Variants in CNTLN observed in about 807,000 individuals in gnomAD.
The protein encoded by CNTLN is centlein.
In CNTLN, 212 loss-of-function variants were observed where a neutral mutation model predicts 180.0. That is an observed-to-expected ratio of 1.18 (90% CI 1.05 to 1.32). CNTLN has a LOEUF of 1.32. CNTLN is among the 40% of genes most tolerant of loss of function. The probability of loss-of-function intolerance (pLI) is 0.00; values close to 1 mark genes in which losing one functional copy is unlikely to be tolerated. For missense variants in CNTLN, 2,095 were observed against 1,610.9 expected (o/e 1.30, Z -5.14); for synonymous variants, 722 against 563.1 (o/e 1.28, Z -3.99).
intron 2 of CNTLN, among the ~76,000 whole-genome samples, chr9:17,179,868 C>G (rs138229780): frequency 0.011 from 1,671 of 152,082 alleles, 34 homozygotes; most frequent in African/African-American, 0.038. Flanking sequence ...TTGGTACGTA[C>G]ACATTTAGGA....
chr9:17,452,976 A>T (rs978252899), intron 18 of CNTLN, among the ~76,000 whole-genome samples: 3 of 152,188 alleles, frequency 2.0e-5, no homozygotes, highest in African/African-American at 7.2e-5. Context: ...AGCATAGAAA[A>T]TGGAACATAC....
chr9:17,473,069 A>G (rs1019952299), intron 23 of CNTLN, among the ~76,000 whole-genome samples: 1 of 152,170 alleles, frequency 6.6e-6, no homozygotes, highest in Non-Finnish European at 1.5e-5. Flanking sequence ...CTTTATTTTG[A>G]ATCTCTGCCT....
At chr9:17,295,458 C>T (rs1429222498) in intron 6 of CNTLN, among the ~76,000 whole-genome samples, 1 of 151,976 alleles carries the variant, frequency 6.6e-6, no homozygotes, top group Admixed American at 6.5e-5. Flanking sequence ...TGTGTGGCTC[C>T]CAGGTGGGCC....
intron 2 of CNTLN, among the ~76,000 whole-genome samples, chr9:17,215,596 T>C (rs912671122): frequency 5.3e-5 from 8 of 152,206 alleles, no homozygotes; most frequent in Non-Finnish European, 1.2e-4. Flanking sequence ...CAGGGACATT[T>C]AAGTCTGCAG....
At chr9:17,157,401 G>C (rs1563832100) in intron 2 of CNTLN, among the ~76,000 whole-genome samples, 1 of 152,208 alleles carries the variant, frequency 6.6e-6, no homozygotes, top group East Asian at 1.9e-4. Context: ...TCTGAAGAAT[G>C]AGAAGGTTGA....
intron 5 of CNTLN, among the ~76,000 whole-genome samples, chr9:17,257,464 T>A (rs1266416195): frequency 6.6e-6 from 1 of 152,030 alleles, no homozygotes; most frequent in Admixed American, 6.6e-5. Context: ...TATAGCAGCA[T>A]GATTTATAGT....
chr9:17,388,327 C>T (rs367762869), intron 14 of CNTLN, 74 bp downstream of exon 14: 16 of 982,520 alleles, frequency 1.6e-5, no homozygotes, highest in Admixed American at 4.1e-5. Context: ...TATTTTAAAA[C>T]GAGGGCTTGT....
chr9:17,301,202 T>C, intron 7 of CNTLN: 1 of 985,434 alleles, frequency 1.0e-6, no homozygotes, highest in Non-Finnish European at 1.2e-6. Context: ...CCCTAGTGTA[T>C]GTCTTTACTA....
At chr9:17,343,188 C>G (rs1410276085) in intron 12 of CNTLN, among the ~76,000 whole-genome samples, 1 of 152,122 alleles carries the variant, frequency 6.6e-6, no homozygotes, top group African/African-American at 2.4e-5. Context: ...TTATATTCAG[C>G]CTGGCAAAGA....
Position 17,474,714 on chromosome 9 carries a change from C to T in CNTLN, c.3855+7823C>T, listed in dbSNP as rs546068604. Among the ~76,000 whole-genome samples, 52 of 151,920 alleles carry T rather than the reference C, an allele frequency of 3.4e-4. 1 individual carries two copies. In the South Asian group the frequency reaches 4.4e-3, roughly 13 times the overall value. ...TGAAACCCCGTCTCTACTAAAAATA[C>T]AAAATTAGCCAGGCATGGTGGCAAG... On this transcript the variant is annotated intron_variant, in intron 23 of 25. Coordinates refer to ENST00000380647, the MANE Select transcript of CNTLN (RefSeq NM_017738.4).
intron 7 of CNTLN, chr9:17,301,883 T>G: frequency 1.1e-6 from 1 of 941,750 alleles, no homozygotes; most frequent in Non-Finnish European, 1.3e-6. Flanking sequence ...CTTAACATAT[T>G]TGTTAGCACA....
chr9:17,267,106 G>A (rs991940157), intron 5 of CNTLN, among the ~76,000 whole-genome samples: 4 of 152,048 alleles, frequency 2.6e-5, no homozygotes, highest in African/African-American at 7.2e-5. Context: ...TATTTTGCTC[G>A]TTAGTTGATG....
At chr9:17,409,206 T>C (rs1391784584) in intron 15 of CNTLN, 87 bp from the exon 16 acceptor site, 3 of 1,254,818 alleles carry the variant, frequency 2.4e-6, no homozygotes, top group Non-Finnish European at 3.4e-6. Context: ...CAATCTATGC[T>C]AAAATATTAT....
At chr9:17,167,125 A>G (rs1820124972) in intron 2 of CNTLN, 1 of 186,490 alleles carries the variant, frequency 5.4e-6, no homozygotes, top group Non-Finnish European at 1.2e-5. Context: ...TGCACAAATA[A>G]AAGTGACATA....
intron 8 of CNTLN, among the ~76,000 whole-genome samples, chr9:17,316,540 GT>G (rs1819548614): frequency 6.6e-6 from 1 of 151,910 alleles, no homozygotes; most frequent in Admixed American, 6.6e-5. Context: ...GGTTTATCTG[GT>G]TTTAGCCATA....
At chr9:17,506,939 T>C (rs1833943344), downstream of CNTLN, among the ~76,000 whole-genome samples, 1 of 152,180 alleles carries the variant, frequency 6.6e-6, no homozygotes, top group East Asian at 1.9e-4. Context: ...AGGGTAATTA[T>C]ATCTGTCACC....
At chr9:17,527,256 C>T in the CNTLN span, among the ~76,000 whole-genome samples, 1 of 152,092 alleles carries the variant, frequency 6.6e-6, no homozygotes, top group Non-Finnish European at 1.5e-5. Context: ...TTCAGCCACC[C>T]GCCCTCCTTT....
chr9:17,400,441 G>C (rs970900088), intron 15 of CNTLN, among the ~76,000 whole-genome samples: 1 of 152,068 alleles, frequency 6.6e-6, no homozygotes, highest in African/African-American at 2.4e-5. Flanking sequence ...CTGGCCAACT[G>C]TACCATTATT....
chr9:17,252,967 A>G (rs1826244104), intron 5 of CNTLN, among the ~76,000 whole-genome samples: 2 of 151,658 alleles, frequency 1.3e-5, no homozygotes, highest in Admixed American at 6.6e-5. Context: ...GTCCAGTTTC[A>G]TTCTTTTACT....
Sources: gnomAD v4.1 joint callset for allele counts (sites outside exome capture counted in the v4.1 genomes callset) on GRCh38, gnomAD v4.1.1 for gene constraint, MANE v1.5 for transcripts, NCBI Gene and HGNC (gene_info 2026-07-23, HGNC 2026-07-21) for gene names.